UBXN8: variants seen among roughly 807,000 people sequenced by gnomAD.
UBXN8 encodes UBX domain-containing protein 8.
In UBXN8, 27 loss-of-function variants were observed where a neutral mutation model predicts 32.1. That is an observed-to-expected ratio of 0.84 (90% CI 0.62 to 1.16). The LOEUF is 1.16. UBXN8 is among the 50% of genes most tolerant of loss of function. The pLI, the probability that UBXN8 is intolerant of heterozygous loss-of-function variation, is 0.00. For synonymous variants in UBXN8, 109 were observed against 111.8 expected (o/e 0.98, Z 0.16); for missense variants, 306 against 311.4 (o/e 0.98, Z 0.13).
Position 30,766,496 on chromosome 8 carries a change from T to C in UBXN8, c.*102T>C. On this transcript the variant is annotated 3_prime_UTR_variant, in exon 8 of 8. Transcript: ENST00000265616. The stretch of plus-strand genomic sequence containing the variant: ...AAATCACACTATACCTTGATTGAGC[T>C]CATGGCAGTAAACTTTGAACATTGA... 1.6e-6 allele frequency: 2 copies of C among 1,241,762 alleles called. No homozygotes were observed. Among genetic ancestry groups the C allele is most frequent in the Non-Finnish European group, 2.1e-6 (2 of 933,716 alleles). The allele number at this position is 1,241,762 out of a possible 1,614,324, so 76.9% of individuals were successfully genotyped here.
chr8:30,765,827 G>A (rs780709942), intron 7 of UBXN8, among the ~76,000 whole-genome samples: 10 of 151,994 alleles, frequency 6.6e-5, no homozygotes, highest in African/African-American at 2.4e-5. Context: ...GGCCAACATG[G>A]TGGAACCCCG....
intron 1 of UBXN8, 141 bp downstream of exon 1, chr8:30,744,418 AC>A (rs1805304956): frequency 1.3e-6 from 1 of 778,978 alleles, no homozygotes; most frequent in Non-Finnish European, 2.1e-6. Flanking sequence ...CTGCCCCCCC[AC>A]TTCCGGAGCT....
At chr8:30,753,406 A>G (rs1373524439) in intron 3 of UBXN8, among the ~76,000 whole-genome samples, 1 of 152,032 alleles carries the variant, frequency 6.6e-6, no homozygotes, top group Non-Finnish European at 1.5e-5. Context: ...ACAGGTGCGC[A>G]CCACCACACC....
intron 3 of UBXN8, chr8:30,754,346 C>T: frequency 2.3e-6 from 1 of 429,842 alleles, no homozygotes; most frequent in South Asian, 1.9e-5. Context: ...CTTGGAGTTG[C>T]CATACCGGCA....
chr8:30,765,338 A>G (rs1259131743), intron 7 of UBXN8, among the ~76,000 whole-genome samples: 1 of 152,020 alleles, frequency 6.6e-6, no homozygotes, highest in African/African-American at 2.4e-5. Flanking sequence ...CAGTGGTGCA[A>G]TCACAGCTCA....
intron 1 of UBXN8, among the ~76,000 whole-genome samples, chr8:30,735,845 A>G (rs1336664551): frequency 2.0e-5 from 3 of 152,236 alleles, no homozygotes; most frequent in Non-Finnish European, 2.9e-5. Context: ...TTTCAAAACA[A>G]ATAAACAAAA....
At chr8:30,758,876 T>C in intron 5 of UBXN8, among the ~76,000 whole-genome samples, 1 of 126,524 alleles carries the variant, frequency 7.9e-6, no homozygotes, top group East Asian at 2.2e-4. Flanking sequence ...ACAAATGTTT[T>C]TTTTGTTTGT....
chr8:30,754,621 A>G, intron 3 of UBXN8, 44 bp from the exon 4 acceptor site: 1 of 1,515,560 alleles, frequency 6.6e-7, no homozygotes, highest in African/African-American at 1.4e-5. Context: ...ATTTTTAGGA[A>G]CATTAATGGA....
upstream of UBXN8, among the ~76,000 whole-genome samples, chr8:30,739,319 T>C (rs2911694): frequency 1 from 150,246 of 150,638 alleles, 74,936 homozygotes; most frequent in Middle Eastern, 1. Context: ...CCGAGGCGGG[T>C]GGATCACGAT....
chr8:30,764,287 C>T (rs1276918011), intron 7 of UBXN8, among the ~76,000 whole-genome samples: 2 of 152,152 alleles, frequency 1.3e-5, no homozygotes, highest in Non-Finnish European at 2.9e-5. Context: ...GGTGCGGTGG[C>T]TCATGCCTGT....
At chr8:30,761,198 A>G (rs151230443) in intron 6 of UBXN8, among the ~76,000 whole-genome samples, 15 of 151,444 alleles carry the variant, frequency 9.9e-5, no homozygotes, top group East Asian at 1.9e-4. Context: ...TGTAGTATCA[A>G]ATTCCTCAAC....
chr8:30,751,212 G>A (rs1805513879), intron 1 of UBXN8, among the ~76,000 whole-genome samples, 184 bp from the exon 2 acceptor site: 1 of 152,106 alleles, frequency 6.6e-6, no homozygotes, highest in South Asian at 2.1e-4. Flanking sequence ...TTTATTAGGA[G>A]TATCAAGAAA....
At chr8:30,739,573 A>G (rs1329750995), upstream of UBXN8, among the ~76,000 whole-genome samples, 1 of 151,974 alleles carries the variant, frequency 6.6e-6, no homozygotes, top group African/African-American at 2.4e-5. Context: ...AAAAAACTAA[A>G]TCACACACAC....
intron 5 of UBXN8, among the ~76,000 whole-genome samples, chr8:30,758,475 G>T (rs1332132073): frequency 2.0e-5 from 3 of 152,170 alleles, no homozygotes; most frequent in Non-Finnish European, 4.4e-5. Context: ...AGCTGGAAAA[G>T]ATTAGAAATA....
chr8:30,749,978 C>G (rs1023208626), intron 1 of UBXN8, among the ~76,000 whole-genome samples: 29 of 152,266 alleles, frequency 1.9e-4, no homozygotes, highest in Non-Finnish European at 3.8e-4. Context: ...TTATACATTA[C>G]TGATATTCAT....
At chr8:30,751,232 G>C (rs2128754189) in intron 1 of UBXN8, among the ~76,000 whole-genome samples, 164 bp from the exon 2 acceptor site, 1 of 152,208 alleles carries the variant, frequency 6.6e-6, no homozygotes, top group Admixed American at 6.5e-5. Flanking sequence ...AAATGTTTTG[G>C]GTTGGGCATG....
intron 2 of UBXN8, 114 bp from the exon 3 acceptor site, chr8:30,752,921 C>T (rs1805552104): frequency 8.5e-7 from 1 of 1,175,176 alleles, no homozygotes; most frequent in African/African-American, 1.6e-5. Context: ...GTGTTAGGGT[C>T]TCCCCATCAT....
upstream of UBXN8, among the ~76,000 whole-genome samples, chr8:30,742,637 C>T (rs1042827834): frequency 6.6e-6 from 1 of 151,616 alleles, no homozygotes; most frequent in Admixed American, 6.6e-5. Flanking sequence ...CTACCGCGCC[C>T]GGCCTCAAGC....
chr8:30,734,872 C>T (rs553731821), intron 1 of UBXN8, among the ~76,000 whole-genome samples: 100 of 152,132 alleles, frequency 6.6e-4, no homozygotes, highest in African/African-American at 2.3e-3. Context: ...GAGCCCGGGG[C>T]GTTGAGGCTG....
Sources: gnomAD v4.1 joint callset for allele counts (sites outside exome capture counted in the v4.1 genomes callset) on GRCh38, gnomAD v4.1.1 for gene constraint, MANE v1.5 for transcripts, NCBI Gene and HGNC (gene_info 2026-07-23, HGNC 2026-07-21) for gene names.